The following PAPPA variants were observed in gnomAD, a reference collection of about 807,000 sequenced individuals.
PAPPA encodes pappalysin 1.
Under a neutral mutation model 164.0 loss-of-function variants are expected in PAPPA, and 60 were observed. The ratio of observed to expected loss-of-function variants is 0.37; its 90% CI spans 0.30 to 0.45. The LOEUF (loss-of-function observed/expected upper bound fraction) is 0.45, where lower values mean the gene tolerates loss of function less well. Ranked by LOEUF, PAPPA falls within the 20% of genes least tolerant of loss-of-function variation. The pLI is 1.00. For missense variants in PAPPA, 1,782 were observed against 2,087.3 expected (o/e 0.85, Z 2.85); for synonymous variants, 875 against 814.1 (o/e 1.07, Z -1.27).
At chr9:116,290,849 T>A (rs1052521346) in intron 9 of PAPPA, among the ~76,000 whole-genome samples, 6 of 152,128 alleles carry the variant, frequency 3.9e-5, no homozygotes, top group Non-Finnish European at 7.4e-5. Flanking sequence ...ATTTATTAGC[T>A]TATATTATCC....
chr9:116,255,097 A>T (rs59738351), intron 7 of PAPPA, among the ~76,000 whole-genome samples: 1 of 151,792 alleles, frequency 6.6e-6, no homozygotes, highest in African/African-American at 2.4e-5. Context: ...TCTGAGTTTC[A>T]CCTTCCTAAA....
chr9:116,361,482 G>C lies in PAPPA; in HGVS notation c.4348-1110G>C, dbSNP rs138737181. On this transcript the variant is annotated intron_variant, in intron 17 of 21. Coordinates refer to ENST00000328252, the MANE Select transcript of PAPPA (RefSeq NM_002581.5). ...AGTCATAGAATTAGAACCACAACAGGCTCTCCAGCACACACGATATTTTTC... is the reference window on the plus strand; with the variant it reads ...AGTCATAGAATTAGAACCACAACAGCCTCTCCAGCACACACGATATTTTTC... Among the ~76,000 whole-genome samples the C allele has an allele frequency of 3.2e-3, 488 of 152,224 alleles. 16 individuals are homozygous for C. The South Asian group carries it at 0.068, about 21-fold the overall frequency.
At chr9:116,174,147 A>G (rs961252462) in intron 1 of PAPPA, among the ~76,000 whole-genome samples, 3 of 152,140 alleles carry the variant, frequency 2.0e-5, no homozygotes, top group Admixed American at 6.5e-5. Context: ...TTATCTATGC[A>G]AAGAGTTTCG....
At chr9:116,316,096 A>G (rs1267926184) in intron 10 of PAPPA, among the ~76,000 whole-genome samples, 1 of 152,258 alleles carries the variant, frequency 6.6e-6, no homozygotes, top group African/African-American at 2.4e-5. Context: ...CTCTACAGCC[A>G]GGAAGAAAGA....
intron 7 of PAPPA, 50 bp from the exon 8 acceptor site, chr9:116,265,807 G>C: frequency 6.7e-7 from 1 of 1,496,436 alleles, no homozygotes. Flanking sequence ...TTCTCTCTTT[G>C]TCTGCCCAGT....
In PAPPA at chr9:116,398,524, C is replaced by T. The variant is rs1037742095; in HGVS notation, c.*1908C>T. 40 of 1,231,186 alleles carry T rather than the reference C, an allele frequency of 3.2e-5. No homozygotes were observed. Among genetic ancestry groups the T allele is most frequent in the Non-Finnish European group, 3.9e-5 (37 of 957,614 alleles). The allele number at this position is 1,231,186 out of a possible 1,614,324, so 76.3% of individuals were successfully genotyped here. A position where few individuals can be genotyped will look rare whatever the true frequency, so the allele number is the denominator to read the frequency against. On this transcript the variant is annotated 3_prime_UTR_variant, in exon 22 of 22. Coordinates refer to ENST00000328252, the MANE Select transcript of PAPPA (RefSeq NM_002581.5). ...GACCAAAAATAACTTTAGGAACCAC[C>T]ATATTATATCACTCCCAATAGCACT...
intron 17 of PAPPA, among the ~76,000 whole-genome samples, chr9:116,360,486 C>T (rs942975387): frequency 1.3e-5 from 2 of 152,132 alleles, no homozygotes; most frequent in African/African-American, 4.8e-5. Context: ...TGAATCTTGT[C>T]TATCTGCAGC....
chr9:116,221,707 A>G (rs1038119655), intron 5 of PAPPA, among the ~76,000 whole-genome samples: 6 of 152,054 alleles, frequency 3.9e-5, no homozygotes, highest in Non-Finnish European at 7.4e-5. Context: ...AAGGCATTAC[A>G]CTGCCCCCCG....
chr9:116,251,261 C>T (rs1844856860), intron 7 of PAPPA, among the ~76,000 whole-genome samples: 1 of 152,124 alleles, frequency 6.6e-6, no homozygotes, highest in African/African-American at 2.4e-5. Flanking sequence ...CCCAAGTGCA[C>T]ATGGGTTTCA....
chr9:116,157,183 G>C (rs926189556), intron 1 of PAPPA, among the ~76,000 whole-genome samples: 4 of 152,164 alleles, frequency 2.6e-5, no homozygotes, highest in Admixed American at 1.3e-4. Context: ...CGGGTCTGTC[G>C]TCTGGCAGAG....
At chr9:116,273,652 TA>T (rs1026445571) in intron 9 of PAPPA, among the ~76,000 whole-genome samples, 7 of 152,128 alleles carry the variant, frequency 4.6e-5, no homozygotes, top group African/African-American at 1.4e-4. Context: ...CGGGCACCCA[TA>T]ATCCCAGCTA....
At chr9:116,299,738 T>C (rs764551399) in intron 9 of PAPPA, among the ~76,000 whole-genome samples, 2 of 152,216 alleles carry the variant, frequency 1.3e-5, no homozygotes, top group Non-Finnish European at 2.9e-5. Context: ...TGCTACCACC[T>C]GTCTCTGTGA....
rs117829664 is a variant in PAPPA at position 116,356,774 on chromosome 9, T to C, written c.4347+2981T>C. Among the ~76,000 whole-genome samples, 470 of 152,286 alleles carry C rather than the reference T, an allele frequency of 3.1e-3. 15 individuals are homozygous for C. In the South Asian group the frequency reaches 0.066, roughly 21 times the overall value. On this transcript the variant is annotated intron_variant, in intron 17 of 21. Transcript: ENST00000328252. ...GTTTCTGTAGCCTTGTAGTGTAGTT[T>C]TAAGTCAGGTAGTGGAATGCCTCCA... is the stretch of plus-strand genomic sequence containing the variant.
At chr9:116,358,659 C>A (rs78627178) in intron 17 of PAPPA, among the ~76,000 whole-genome samples, 9 of 152,132 alleles carry the variant, frequency 5.9e-5, no homozygotes, top group Non-Finnish European at 1.3e-4. Flanking sequence ...CATTTCTTTC[C>A]GCTATTATTT....
At chr9:116,270,692 G>GTGGAAAT (rs1240553022) in intron 8 of PAPPA, among the ~76,000 whole-genome samples, 1 of 152,128 alleles carries the variant, frequency 6.6e-6, no homozygotes, top group Non-Finnish European at 1.5e-5. Flanking sequence ...TCCTTAGGTG[G>GTGGAAAT]TGGAAATAAT....
intron 4 of PAPPA, among the ~76,000 whole-genome samples, chr9:116,215,857 G>C (rs1373409666): frequency 6.6e-6 from 1 of 152,156 alleles, no homozygotes; most frequent in African/African-American, 2.4e-5. Context: ...AAAAAGGTCA[G>C]AAAGCCATAT....
At chr9:116,277,987 GT>G (rs1845221897) in intron 9 of PAPPA, among the ~76,000 whole-genome samples, 1 of 152,208 alleles carries the variant, frequency 6.6e-6, no homozygotes, top group South Asian at 2.1e-4. Context: ...TAATTCAGAA[GT>G]TATATCCATC....
At chr9:116,310,792 A>T (rs187204181) in intron 10 of PAPPA, among the ~76,000 whole-genome samples, 1 of 152,282 alleles carries the variant, frequency 6.6e-6, no homozygotes, top group African/African-American at 2.4e-5. Flanking sequence ...GATCAGTTCA[A>T]CCTGATTTTC....
chr9:116,266,566 A>G (rs897638751), intron 8 of PAPPA, among the ~76,000 whole-genome samples: 6 of 152,212 alleles, frequency 3.9e-5, no homozygotes, highest in Non-Finnish European at 7.3e-5. Flanking sequence ...ATATGAGTAC[A>G]CTGAGGCAAA....
Sources: gnomAD v4.1 joint callset for allele counts (sites outside exome capture counted in the v4.1 genomes callset) on GRCh38, gnomAD v4.1.1 for gene constraint, MANE v1.5 for transcripts, NCBI Gene and HGNC (gene_info 2026-07-23, HGNC 2026-07-21) for gene names.